Variants in ATP2B2 observed in about 807,000 individuals in gnomAD.
ATP2B2 encodes plasma membrane calcium-transporting ATPase 2.
In ATP2B2, 15 loss-of-function variants were observed where a neutral mutation model predicts 120.0. The observed-to-expected ratio is 0.12, with a 90% CI of 0.08 to 0.19. The LOEUF (loss-of-function observed/expected upper bound fraction) is 0.19, where lower values mean the gene tolerates loss of function less well. Among genes scored for constraint, ATP2B2 ranks in the 10% least tolerant of loss-of-function variants. The pLI, the probability that ATP2B2 is intolerant of heterozygous loss-of-function variation, is 1.00. For missense variants in ATP2B2, 1,045 were observed against 1,719.8 expected, an observed-to-expected ratio of 0.61 and a Z score of 6.94; for synonymous variants, 694 against 700.3, an observed-to-expected ratio of 0.99 and a Z score of 0.14.
At chr3:10,599,974 G>A (rs918495043) in intron 2 of ATP2B2, among the ~76,000 whole-genome samples, 1 of 152,232 alleles carries the variant, frequency 6.6e-6, no homozygotes, top group Non-Finnish European at 1.5e-5. Context: ...GGGAGAGGTA[G>A]CTTGTGCTAG....
At chr3:10,452,719 G>A (rs888789106) in intron 1 of ATP2B2, among the ~76,000 whole-genome samples, 7 of 152,150 alleles carry the variant, frequency 4.6e-5, no homozygotes, top group Admixed American at 2.6e-4. Flanking sequence ...GGAGGGGTGA[G>A]CGCTGGGGAG....
intron 3 of ATP2B2, among the ~76,000 whole-genome samples, chr3:10,524,962 G>A (rs932791370): frequency 6.6e-6 from 1 of 152,180 alleles, no homozygotes; most frequent in Non-Finnish European, 1.5e-5. Flanking sequence ...CCACCCCTGT[G>A]CTGGGCATGG....
rs558579818 is a variant in ATP2B2, at chr3:10,643,244, T to C, written c.-459-23283A>G. 1.5e-4 allele frequency among the ~76,000 whole-genome samples: 23 copies of C among 152,256 alleles called. No individual in the cohort carries two copies. In the South Asian group the frequency reaches 4.8e-3, roughly 32 times the overall value. On this transcript the variant is annotated intron_variant, in intron 1 of 21. Transcript: ENST00000646379. ...AAAACCCTGAATTCATGAGTTCACA[T>C]AGAAGAGTGGATGCATCTGTGGATC...
At chr3:10,570,809 G>A (rs1313117539) in intron 2 of ATP2B2, among the ~76,000 whole-genome samples, 3 of 152,298 alleles carry the variant, frequency 2.0e-5, no homozygotes, top group African/African-American at 2.4e-5. Flanking sequence ...CCAGGACTTC[G>A]CAGCACCTCA....
upstream of ATP2B2, among the ~76,000 whole-genome samples, chr3:10,509,400 G>A (rs533375246): frequency 2.2e-4 from 33 of 152,212 alleles, no homozygotes; most frequent in African/African-American, 6.0e-4. Flanking sequence ...TGGGTTCCCC[G>A]GGGGATAAGA....
At chr3:10,429,544 C>T (rs2063247154) in intron 2 of ATP2B2, among the ~76,000 whole-genome samples, 2 of 152,180 alleles carry the variant, frequency 1.3e-5, no homozygotes, top group East Asian at 1.9e-4. Flanking sequence ...TGAACTTAAT[C>T]AGTCAATGTT....
chr3:10,588,547 A>T (rs1205969293), intron 2 of ATP2B2, among the ~76,000 whole-genome samples: 2 of 152,122 alleles, frequency 1.3e-5, no homozygotes. Flanking sequence ...ACAAGAGCAC[A>T]TCACCTCCTC....
At chr3:10,604,160 A>G (rs2068999005) in intron 2 of ATP2B2, among the ~76,000 whole-genome samples, 1 of 151,432 alleles carries the variant, frequency 6.6e-6, no homozygotes. Context: ...CCTCCCTCAC[A>G]CTCTCCAAGT....
At chr3:10,537,921 C>T (rs2067354080) in intron 2 of ATP2B2, among the ~76,000 whole-genome samples, 1 of 152,152 alleles carries the variant, frequency 6.6e-6, no homozygotes, top group South Asian at 2.1e-4. Flanking sequence ...TCTTCTTTAG[C>T]CCGTTAATAT....
At chr3:10,680,355 T>C (rs1158078882) in intron 1 of ATP2B2, among the ~76,000 whole-genome samples, 1 of 151,870 alleles carries the variant, frequency 6.6e-6, no homozygotes, top group Non-Finnish European at 1.5e-5. Context: ...GGTTGGCCTA[T>C]GGAGGTTGTC....
intron 22 of ATP2B2, chr3:10,331,940 T>C (rs983153673): frequency 6.7e-5 from 102 of 1,527,220 alleles, no homozygotes; most frequent in East Asian, 2.7e-4. Context: ...GAGTCTGGGA[T>C]TGATTCACAT....
At chr3:10,631,890 G>GTTTTATTTCTTATAAAAGATAAAA (rs2069875130) in intron 1 of ATP2B2, among the ~76,000 whole-genome samples, 1 of 152,218 alleles carries the variant, frequency 6.6e-6, no homozygotes, top group South Asian at 2.1e-4. Flanking sequence ...GAGGTTTCAG[G>GTTTTATTTCTTATAAAAGATAAAA]AGGGCTATCT....
At chr3:10,655,576 C>T (rs111680170) in intron 1 of ATP2B2, among the ~76,000 whole-genome samples, 2 of 152,304 alleles carry the variant, frequency 1.3e-5, no homozygotes, top group African/African-American at 4.8e-5. Context: ...AATGCCAGGT[C>T]CCAGAGCCCA....
At chr3:10,599,748 C>T (rs182079949) in intron 2 of ATP2B2, among the ~76,000 whole-genome samples, 421 of 142,074 alleles carry the variant, frequency 3.0e-3, no homozygotes, top group African/African-American at 0.011. Flanking sequence ...TGTGCCAGAA[C>T]TGCATGAGAA....
chr3:10,548,551 C>T (rs568202602), intron 2 of ATP2B2, among the ~76,000 whole-genome samples: 2 of 152,286 alleles, frequency 1.3e-5, no homozygotes, highest in Admixed American at 6.5e-5. Context: ...ATAGCTATCC[C>T]AGCTCCCTTC....
intron 2 of ATP2B2, among the ~76,000 whole-genome samples, chr3:10,576,013 C>T (rs1376968826): frequency 6.6e-6 from 1 of 152,146 alleles, no homozygotes; most frequent in Non-Finnish European, 1.5e-5. Context: ...GCCTCACTCC[C>T]CTGCACAATG....
At chr3:10,467,202 C>G (rs562138645) in intron 1 of ATP2B2, among the ~76,000 whole-genome samples, 1 of 152,184 alleles carries the variant, frequency 6.6e-6, no homozygotes, top group East Asian at 1.9e-4. Flanking sequence ...TTGGATCAGA[C>G]AGAGTAATAT....
In ATP2B2 at chr3:10,385,335, G is replaced by A. The variant is rs376282040; in HGVS notation, c.941-8C>T. 3.1e-6 allele frequency: 5 copies of A among 1,613,244 alleles called. No individual in the cohort carries two copies. Among genetic ancestry groups the A allele is most frequent in the African/African-American group, 1.3e-5 (1 of 74,902 alleles). On this transcript the variant is annotated splice_polypyrimidine_tract_variant and splice_region_variant and intron_variant, in intron 7 of 22. Transcript: ENST00000360273. ...CTGCCGCACCGTCTGCTGCTGCAGG[G>A]GGGTGGGAGGGATGGAAAATGCAGT...
intron 19 of ATP2B2, among the ~76,000 whole-genome samples, chr3:10,341,516 G>A (rs886925606): frequency 1.3e-5 from 2 of 152,142 alleles, no homozygotes; most frequent in Admixed American, 6.5e-5. Flanking sequence ...TCTCCATGTT[G>A]GCCATGCTGG....
Sources: gnomAD v4.1 joint callset for allele counts (sites outside exome capture counted in the v4.1 genomes callset) on GRCh38, gnomAD v4.1.1 for gene constraint, MANE v1.5 for transcripts, NCBI Gene and HGNC (gene_info 2026-07-23, HGNC 2026-07-21) for gene names.